Variants in PHACTR3 observed in about 807,000 individuals in gnomAD.
PHACTR3 encodes the protein protein phosphatase 1, regulatory subunit 123.
A neutral mutation model predicts 66.8 loss-of-function variants in PHACTR3; 16 were observed. The observed-to-expected ratio is 0.24, with a 90% CI of 0.16 to 0.36. The LOEUF is 0.36. Ranked by LOEUF, PHACTR3 falls within the 10% of genes least tolerant of loss-of-function variation. PHACTR3 has a pLI of 1.00. For missense variants in PHACTR3, 647 were observed against 719.9 expected, an observed-to-expected ratio of 0.90 and a Z score of 1.16; for synonymous variants, 323 against 292.1, an observed-to-expected ratio of 1.11 and a Z score of -1.08.
At chr20:59,599,524 C>T (rs545499952) in intron 1 of PHACTR3, among the ~76,000 whole-genome samples, 101 of 152,220 alleles carry the variant, frequency 6.6e-4, no homozygotes, top group African/African-American at 2.3e-3. Flanking sequence ...TCTTCCACAT[C>T]ACCCCAAAGG....
chr20:59,627,021 C>A (rs1467260699), intron 1 of PHACTR3: 2 of 152,234 alleles, frequency 1.3e-5, no homozygotes, highest in Non-Finnish European at 2.9e-5. Flanking sequence ...CACCCAAACA[C>A]TTTCCAGCAC....
intron 1 of PHACTR3, among the ~76,000 whole-genome samples, chr20:59,587,784 C>A (rs182607930): frequency 6.6e-6 from 1 of 152,008 alleles, no homozygotes; most frequent in Non-Finnish European, 1.5e-5. Flanking sequence ...GGCCTGGGCC[C>A]GGGTCATTTT....
At chr20:59,650,257 G>A (rs746589363) in intron 1 of PHACTR3, among the ~76,000 whole-genome samples, 1 of 152,108 alleles carries the variant, frequency 6.6e-6, no homozygotes, top group Non-Finnish European at 1.5e-5. Flanking sequence ...AGGTATGTGT[G>A]TATATATCTG....
At chr20:59,591,338 T>C (rs1418163939) in intron 1 of PHACTR3, among the ~76,000 whole-genome samples, 1 of 152,168 alleles carries the variant, frequency 6.6e-6, no homozygotes, top group African/African-American at 2.4e-5. Flanking sequence ...GTGGCTCCCG[T>C]CAGCATCCAC....
intron 1 of PHACTR3, among the ~76,000 whole-genome samples, chr20:59,636,038 A>G (rs1009035526): frequency 2.6e-5 from 4 of 152,252 alleles, no homozygotes; most frequent in Admixed American, 2.6e-4. Flanking sequence ...GCTCCTTCAC[A>G]TTAGCTAATG....
At chr20:59,745,302 C>T (rs1047065497) in intron 2 of PHACTR3, among the ~76,000 whole-genome samples, 1 of 152,180 alleles carries the variant, frequency 6.6e-6, no homozygotes, top group South Asian at 2.1e-4. Context: ...CTGACATTCT[C>T]CAGGCCTGCT....
chr20:59,766,530 G>T (rs913624506), intron 4 of PHACTR3, among the ~76,000 whole-genome samples: 2 of 152,154 alleles, frequency 1.3e-5, no homozygotes, highest in African/African-American at 4.8e-5. Context: ...CAGGCTGAGG[G>T]GTGGTTGTGA....
At chr20:59,713,616 A>G (rs185987716) in intron 1 of PHACTR3, among the ~76,000 whole-genome samples, 1 of 152,314 alleles carries the variant, frequency 6.6e-6, no homozygotes, top group African/African-American at 2.4e-5. Context: ...TTTGCTGTAT[A>G]GTATTCCAAT....
At chr20:59,798,186 T>C (rs1460475180) in intron 7 of PHACTR3, among the ~76,000 whole-genome samples, 2 of 152,116 alleles carry the variant, frequency 1.3e-5, no homozygotes, top group Non-Finnish European at 2.9e-5. Context: ...TGACAAGAGA[T>C]GGAAGGACAA....
chr20:59,660,371 G>A (rs2035767976), intron 1 of PHACTR3, among the ~76,000 whole-genome samples: 1 of 152,240 alleles, frequency 6.6e-6, no homozygotes, highest in South Asian at 2.1e-4. Flanking sequence ...GCGGATGCCT[G>A]TAGTCCCAGC....
At chr20:59,751,076 G>A (rs2039560643) in intron 3 of PHACTR3, among the ~76,000 whole-genome samples, 1 of 152,268 alleles carries the variant, frequency 6.6e-6, no homozygotes, top group South Asian at 2.1e-4. Context: ...CGGCTCAGGG[G>A]AGGATCAGGC....
At chr20:59,641,758 A>G (rs534686713) in intron 1 of PHACTR3, among the ~76,000 whole-genome samples, 1 of 152,332 alleles carries the variant, frequency 6.6e-6, no homozygotes, top group South Asian at 2.1e-4. Context: ...GTGTATATAT[A>G]ATATATAATT....
At chr20:59,761,325 G>T (rs1479887527) in intron 4 of PHACTR3, among the ~76,000 whole-genome samples, 1 of 152,256 alleles carries the variant, frequency 6.6e-6, no homozygotes, top group Admixed American at 6.5e-5. Context: ...TGGGCTCTGG[G>T]CAACTGCTGG....
chr20:59,768,990 G>T (rs912367304), intron 5 of PHACTR3, among the ~76,000 whole-genome samples: 1 of 152,214 alleles, frequency 6.6e-6, no homozygotes, highest in Non-Finnish European at 1.5e-5. Context: ...ATGTGCTGCT[G>T]GGTGGGTGGA....
intron 8 of PHACTR3, among the ~76,000 whole-genome samples, chr20:59,834,487 C>T (rs1568869477): frequency 6.6e-6 from 1 of 152,246 alleles, no homozygotes; most frequent in Non-Finnish European, 1.5e-5. Context: ...GATTTCTCTT[C>T]CTTTACCTAA....
At chr20:59,681,481 G>A (rs1034129433) in intron 1 of PHACTR3, among the ~76,000 whole-genome samples, 5 of 152,306 alleles carry the variant, frequency 3.3e-5, no homozygotes, top group African/African-American at 2.4e-5. Context: ...CCCAGGTTCT[G>A]AGTCTTCAAC....
chr20:59,596,171 T>A (rs879714565), intron 1 of PHACTR3, among the ~76,000 whole-genome samples: 1 of 152,212 alleles, frequency 6.6e-6, no homozygotes, highest in Non-Finnish European at 1.5e-5. Flanking sequence ...GAGCTCACTC[T>A]GTTGCCCAGG....
At chr20:59,731,154 ATGT>A (rs919724952) in intron 1 of PHACTR3, among the ~76,000 whole-genome samples, 26 of 152,280 alleles carry the variant, frequency 1.7e-4, no homozygotes, top group African/African-American at 6.0e-4. Flanking sequence ...GACTTTGAAG[ATGT>A]TGTGTGATAT....
chr20:59,666,566 GAGAC>G (rs780158128), intron 1 of PHACTR3, among the ~76,000 whole-genome samples: 8 of 152,088 alleles, frequency 5.3e-5, no homozygotes, highest in Non-Finnish European at 1.0e-4. Context: ...AAGAGAGACA[GAGAC>G]AGAGAGACAG....
Sources: allele counts gnomAD v4.1 joint callset (sites outside exome capture counted in the v4.1 genomes callset), GRCh38; gene constraint gnomAD v4.1.1; transcripts MANE v1.5; gene names NCBI Gene and HGNC (gene_info 2026-07-23, HGNC 2026-07-21).